The following CADM2 variants were observed in gnomAD, a reference collection of about 807,000 sequenced individuals.
CADM2 encodes the protein cell adhesion molecule 2.
A neutral mutation model predicts 49.8 loss-of-function variants in CADM2; 12 were observed. The observed-to-expected ratio is 0.24, with a 90% CI of 0.15 to 0.39. The LOEUF is 0.39. CADM2 is among the 10% of genes least tolerant of loss of function. The pLI is 1.00. For missense variants in CADM2, 378 were observed against 492.3 expected, an observed-to-expected ratio of 0.77 and a Z score of 2.20; for synonymous variants, 214 against 175.4, an observed-to-expected ratio of 1.22 and a Z score of -1.74.
chr3:85,892,130 G>T (rs1011020051), intron 5 of CADM2, among the ~76,000 whole-genome samples: 1 of 152,196 alleles, frequency 6.6e-6, no homozygotes, highest in Non-Finnish European at 1.5e-5. Context: ...TACTTAAGAG[G>T]CATTGCAAGC....
chr3:85,341,913 A>G (rs560324644), intron 1 of CADM2, among the ~76,000 whole-genome samples: 15 of 152,016 alleles, frequency 9.9e-5, no homozygotes, highest in Non-Finnish European at 1.8e-4. Context: ...TGGAAAACAA[A>G]AAAAGAAAAT....
At chr3:85,737,519 C>T (rs2068187587) in intron 2 of CADM2, among the ~76,000 whole-genome samples, 1 of 151,406 alleles carries the variant, frequency 6.6e-6, no homozygotes, top group African/African-American at 2.4e-5. Flanking sequence ...TATATCTGGC[C>T]TAAACTTCGA....
intron 1 of CADM2, among the ~76,000 whole-genome samples, chr3:85,167,135 C>T (rs1352197258): frequency 6.6e-6 from 1 of 151,856 alleles, no homozygotes; most frequent in African/African-American, 2.4e-5. Flanking sequence ...ATTTCAGTTT[C>T]TTATTTTAAG....
intron 1 of CADM2, among the ~76,000 whole-genome samples, chr3:85,675,215 A>G (rs780576998): frequency 1.3e-5 from 2 of 152,112 alleles, no homozygotes; most frequent in Non-Finnish European, 2.9e-5. Context: ...CAATGTAGAA[A>G]ATTTTCCAAA....
chr3:85,888,459 A>G (rs1164326967), intron 5 of CADM2, among the ~76,000 whole-genome samples: 1 of 152,232 alleles, frequency 6.6e-6, no homozygotes, highest in Non-Finnish European at 1.5e-5. Flanking sequence ...GATCAGAACA[A>G]CAATGAAGAC....
chr3:85,701,268 G>A (rs1195123967), intron 1 of CADM2, among the ~76,000 whole-genome samples: 2 of 152,134 alleles, frequency 1.3e-5, no homozygotes, highest in Admixed American at 1.3e-4. Flanking sequence ...AACTGCACCT[G>A]TGATCCAATA....
chr3:85,497,770 G>C (rs1189988851), intron 1 of CADM2, among the ~76,000 whole-genome samples: 2 of 152,068 alleles, frequency 1.3e-5, no homozygotes, highest in Non-Finnish European at 2.9e-5. Context: ...CAGATGTAGA[G>C]TAGCCAAGAT....
intron 5 of CADM2, among the ~76,000 whole-genome samples, chr3:85,894,755 G>A (rs1714986106): frequency 6.6e-6 from 1 of 152,192 alleles, no homozygotes; most frequent in Non-Finnish European, 1.5e-5. Context: ...CTCCAGCTGT[G>A]GCTAAAAGGG....
rs1287240515 is a variant in CADM2, at chr3:85,396,427, CTCTTA to C, written c.62-330088_62-330084del. 6.6e-5 allele frequency among the ~76,000 whole-genome samples: 10 copies of C among 152,014 alleles called. No homozygotes were observed. In the South Asian group the frequency reaches 1.9e-3, roughly 28 times the overall value. Reference sequence around the variant, plus strand: ...TTATTTCCTATGAGACTGGCAATGACTCTTATCTTATTGGTAAATATAATTGCTTA... The same window carrying C: ...TTATTTCCTATGAGACTGGCAATGACTCTTATTGGTAAATATAATTGCTTA... On this transcript the variant is annotated intron_variant, in intron 1 of 9. Transcript: ENST00000383699.
chr3:85,309,311 A>G (rs1324736803), intron 1 of CADM2, among the ~76,000 whole-genome samples: 1 of 152,130 alleles, frequency 6.6e-6, no homozygotes, highest in African/African-American at 2.4e-5. Context: ...TTTTCCACTT[A>G]TAATTTAACA....
chr3:85,167,348 G>T (rs918184183), intron 1 of CADM2, among the ~76,000 whole-genome samples: 4 of 151,862 alleles, frequency 2.6e-5, no homozygotes, highest in Admixed American at 6.6e-5. Flanking sequence ...GATTATATTT[G>T]TACTGCTTTT....
intron 1 of CADM2, among the ~76,000 whole-genome samples, chr3:85,216,371 A>ATG (rs2041926996): frequency 6.8e-6 from 1 of 147,480 alleles, no homozygotes; most frequent in African/African-American, 2.5e-5. Flanking sequence ...AATATATTTA[A>ATG]TATTAATGTA....
At chr3:85,806,088 C>G (rs756150198) in intron 3 of CADM2, among the ~76,000 whole-genome samples, 5 of 151,100 alleles carry the variant, frequency 3.3e-5, no homozygotes, top group Admixed American at 6.6e-5. Flanking sequence ...GGCAAGTCAA[C>G]TCTCTGAAGA....
chr3:85,121,759 T>A (rs889589029), intron 1 of CADM2, among the ~76,000 whole-genome samples: 1 of 152,168 alleles, frequency 6.6e-6, no homozygotes, highest in African/African-American at 2.4e-5. Context: ...CACACTTCCC[T>A]AACTACAGTA....
At chr3:85,713,613 T>G (rs759299470) in intron 1 of CADM2, among the ~76,000 whole-genome samples, 1 of 152,182 alleles carries the variant, frequency 6.6e-6, no homozygotes, top group South Asian at 2.1e-4. Flanking sequence ...TACCTACCTA[T>G]CTACAATTGA....
At chr3:85,156,280 G>A (rs958324264) in intron 1 of CADM2, among the ~76,000 whole-genome samples, 1 of 151,932 alleles carries the variant, frequency 6.6e-6, no homozygotes, top group Non-Finnish European at 1.5e-5. Context: ...AATAAAAACT[G>A]ATAAAGGGGA....
At chr3:86,042,692 C>T (rs1181089112) in intron 8 of CADM2, among the ~76,000 whole-genome samples, 2 of 151,952 alleles carry the variant, frequency 1.3e-5, no homozygotes, top group African/African-American at 2.4e-5. Context: ...CTATTCCAAT[C>T]AATAGAAAAA....
chr3:85,527,091 A>G (rs192145591), intron 1 of CADM2, among the ~76,000 whole-genome samples: 1 of 152,238 alleles, frequency 6.6e-6, no homozygotes, highest in Admixed American at 6.5e-5. Flanking sequence ...AATTATATCT[A>G]CAGTTCTATA....
chr3:84,974,826 T>C (rs1461868886), intron 1 of CADM2, among the ~76,000 whole-genome samples: 3 of 151,996 alleles, frequency 2.0e-5, no homozygotes, highest in African/African-American at 7.2e-5. Context: ...TCTGATATCT[T>C]CAAATTTTTT....
Sources: gnomAD v4.1 joint callset for allele counts (sites outside exome capture counted in the v4.1 genomes callset) on GRCh38, gnomAD v4.1.1 for gene constraint, MANE v1.5 for transcripts, NCBI Gene and HGNC (gene_info 2026-07-23, HGNC 2026-07-21) for gene names.